The following TBCK variants were observed in gnomAD, a reference collection of about 807,000 sequenced individuals.
TBCK encodes the protein TBC1 domain containing kinase, also known as TBC domain-containing protein kinase-like protein.
Under a neutral mutation model 113.4 loss-of-function variants are expected in TBCK, and 99 were observed. The ratio of observed to expected loss-of-function variants is 0.87; its 90% confidence interval spans 0.74 to 1.03. The LOEUF (loss-of-function observed/expected upper bound fraction) is 1.03, where lower values mean the gene tolerates loss of function less well. Ranked by LOEUF, TBCK falls within the 50% of genes least tolerant of loss-of-function variation. TBCK has a pLI of 0.00. For missense variants in TBCK, 1,045 were observed against 1,061.3 expected (o/e 0.98, Z 0.21); for synonymous variants, 369 against 370.8 (o/e 1.00, Z 0.05).
rs373757385 is a variant in TBCK at position 106,123,674 on chromosome 4, C to T, written c.2236-7296G>A. On this transcript the variant is annotated intron_variant, in intron 23 of 25. Transcript: ENST00000394708. Reference sequence around the variant, plus strand: ...AGAGATATAGATCAATGGAACAGAACAGAGCCCTCAGAAATAACGTCGCAT... The same window carrying T: ...AGAGATATAGATCAATGGAACAGAATAGAGCCCTCAGAAATAACGTCGCAT... Among the ~76,000 whole-genome samples, 39 of 152,138 alleles carry T rather than the reference C, an allele frequency of 2.6e-4. No homozygotes were observed. The South Asian group carries it at 7.9e-3, about 31-fold the overall frequency.
At chr4:106,212,858 AATC>A (rs756391538) in intron 19 of TBCK, 23 bp from the exon 20 acceptor site, 3 of 1,507,760 alleles carry the variant, frequency 2.0e-6, no homozygotes, top group Non-Finnish European at 9.2e-7. Context: ...AGTTTGAGAC[AATC>A]ATCATTTTTA....
chr4:106,211,659 T>C (rs1756147375), intron 20 of TBCK, among the ~76,000 whole-genome samples: 1 of 152,022 alleles, frequency 6.6e-6, no homozygotes, highest in Non-Finnish European at 1.5e-5. Context: ...CATGATCACA[T>C]AATATAGTTT....
chr4:106,271,883 C>T (rs1469237631), intron 3 of TBCK, among the ~76,000 whole-genome samples: 1 of 152,042 alleles, frequency 6.6e-6, no homozygotes, highest in African/African-American at 2.4e-5. Flanking sequence ...AACCTTTCAT[C>T]AAAAGCAATG....
At chr4:106,309,677 T>C (rs1462227484) in intron 1 of TBCK, among the ~76,000 whole-genome samples, 1 of 152,094 alleles carries the variant, frequency 6.6e-6, no homozygotes, top group East Asian at 1.9e-4. Context: ...TACAGTGAGG[T>C]AGGTCAGGAA....
chr4:106,211,911 G>A (rs920695568), intron 20 of TBCK, among the ~76,000 whole-genome samples: 4 of 151,878 alleles, frequency 2.6e-5, no homozygotes, highest in African/African-American at 9.7e-5. Context: ...GATATGTAAT[G>A]TGAACATTTT....
chr4:106,177,514 G>C (rs1401478659), intron 22 of TBCK, among the ~76,000 whole-genome samples: 1 of 151,858 alleles, frequency 6.6e-6, no homozygotes, highest in Non-Finnish European at 1.5e-5. Flanking sequence ...CATATGGTGA[G>C]AGACAGGGGT....
intron 22 of TBCK, among the ~76,000 whole-genome samples, chr4:106,188,623 TC>T (rs1276468651): frequency 4.6e-5 from 7 of 152,174 alleles, no homozygotes; most frequent in African/African-American, 1.7e-4. Context: ...GGCCTTCCTA[TC>T]AGATTCTTGA....
chr4:106,231,676 A>C, intron 18 of TBCK, 53 bp downstream of exon 18: 1 of 1,518,462 alleles, frequency 6.6e-7, no homozygotes, highest in Non-Finnish European at 9.0e-7. Flanking sequence ...TGTGTGAATC[A>C]AATATTTTAG....
At chr4:106,181,752 G>A (rs147813910) in intron 22 of TBCK, among the ~76,000 whole-genome samples, 5 of 152,224 alleles carry the variant, frequency 3.3e-5, no homozygotes, top group Admixed American at 6.5e-5. Context: ...ACAGTACCAT[G>A]CTGTTTTGGT....
intron 22 of TBCK, among the ~76,000 whole-genome samples, chr4:106,173,174 T>C (rs1751236697): frequency 1.3e-5 from 2 of 152,148 alleles, no homozygotes; most frequent in Non-Finnish European, 2.9e-5. Flanking sequence ...CTTTGAGGCA[T>C]GGGCCTATTT....
intron 20 of TBCK, among the ~76,000 whole-genome samples, chr4:106,212,319 A>G (rs1358371014): frequency 4.6e-5 from 7 of 152,128 alleles, no homozygotes. Context: ...TTGATTTTCA[A>G]CTCTGACTTT....
intron 3 of TBCK, among the ~76,000 whole-genome samples, chr4:106,282,316 G>T (rs984000674): frequency 6.6e-6 from 1 of 151,310 alleles, no homozygotes; most frequent in Non-Finnish European, 1.5e-5. Context: ...CTATCTAAAG[G>T]TTTGTAAATC....
At chr4:106,117,768 G>C (rs904257479) in intron 23 of TBCK, among the ~76,000 whole-genome samples, 1 of 152,142 alleles carries the variant, frequency 6.6e-6, no homozygotes, top group Non-Finnish European at 1.5e-5. Context: ...CCAGCACTTT[G>C]GGAGGCTGAA....
intron 25 of TBCK, among the ~76,000 whole-genome samples, chr4:106,091,441 G>A (rs112650544): frequency 0.041 from 6,263 of 152,244 alleles, 431 homozygotes; most frequent in African/African-American, 0.14. Context: ...ATGCAGCCAC[G>A]GACCCTTGTG....
intron 20 of TBCK, among the ~76,000 whole-genome samples, chr4:106,206,257 T>C (rs183628878): frequency 1.3e-5 from 2 of 152,302 alleles, no homozygotes; most frequent in East Asian, 3.9e-4. Context: ...CAAATGAGGA[T>C]TTACTGAATT....
intron 23 of TBCK, among the ~76,000 whole-genome samples, chr4:106,145,485 C>A (rs1033680715): frequency 6.6e-6 from 1 of 152,130 alleles, no homozygotes; most frequent in African/African-American, 2.4e-5. Flanking sequence ...AACAAGCCTA[C>A]CTTGGAGATA....
At chr4:106,291,320 A>G (rs956425565) in intron 3 of TBCK, among the ~76,000 whole-genome samples, 9 of 152,180 alleles carry the variant, frequency 5.9e-5, no homozygotes, top group Non-Finnish European at 7.3e-5. Context: ...ATCACTGGAG[A>G]CCTTCTTTAA....
At chr4:106,196,877 A>G (rs796901824) in intron 20 of TBCK, among the ~76,000 whole-genome samples, 4 of 152,236 alleles carry the variant, frequency 2.6e-5, no homozygotes, top group African/African-American at 9.6e-5. Flanking sequence ...TCTTCTTCAA[A>G]TTATTTCAGC....
chr4:106,218,354 A>C (rs1281279847), intron 19 of TBCK, among the ~76,000 whole-genome samples: 186 of 149,558 alleles, frequency 1.2e-3, no homozygotes, highest in African/African-American at 3.4e-3. Flanking sequence ...GCAACAAAAG[A>C]CAAAATTGAC....
Sources: allele counts gnomAD v4.1 joint callset (sites outside exome capture counted in the v4.1 genomes callset), GRCh38; gene constraint gnomAD v4.1.1; transcripts MANE v1.5; gene names NCBI Gene and HGNC (gene_info 2026-07-23, HGNC 2026-07-21).